The following FRMD4B variants were observed in gnomAD, a reference collection of about 807,000 sequenced individuals.
FRMD4B encodes FERM domain containing 4B.
FRMD4B carries 74 observed loss-of-function variants against 141.5 expected under a neutral mutation model. The ratio of observed to expected loss-of-function variants is 0.52; its 90% CI spans 0.43 to 0.63. FRMD4B has a LOEUF of 0.63. FRMD4B is among the 30% of genes least tolerant of loss of function. FRMD4B has a pLI of 0.00. For missense variants in FRMD4B, 1,366 were observed against 1,253.4 expected (o/e 1.09, Z -1.36); for synonymous variants, 506 against 467.9 (o/e 1.08, Z -1.05).
In FRMD4B at chr3:69,187,777, G is replaced by T. The variant is rs538457775; in HGVS notation, c.1912C>A (p.Gln638Lys). Residue 638 changes from glutamine (Q) to lysine (K), a missense_variant, in exon 19 of 23, where the codon CAG (glutamine) becomes AAG (lysine). Gln to Lys is a moderately conservative substitution (Grantham distance 53). Coordinates refer to ENST00000398540, the MANE Select transcript of FRMD4B (RefSeq NM_015123.3). ...SINEQFVDTRQSREMLSTHSS... is the reference protein window; with the variant it reads ...SINEQFVDTRKSREMLSTHSS... ...GATGATATGACCTCTCACCTGGACT[G>T]CCTGGTATCCACAAACTGTTCATTG... 1.2e-6 allele frequency: 2 copies of T among 1,611,762 alleles called. No individual in the cohort carries two copies. Among genetic ancestry groups the T allele is most frequent in the South Asian group, 2.2e-5 (2 of 90,698 alleles).
At chr3:69,515,187 G>A (rs1700731934) in intron 1 of FRMD4B, among the ~76,000 whole-genome samples, 1 of 152,152 alleles carries the variant, frequency 6.6e-6, no homozygotes, top group Non-Finnish European at 1.5e-5. Flanking sequence ...CTTTTAAAGA[G>A]ATAGATCTCT....
intron 5 of FRMD4B, among the ~76,000 whole-genome samples, chr3:69,257,967 C>T (rs1211218371): frequency 6.6e-6 from 1 of 152,214 alleles, no homozygotes; most frequent in Admixed American, 6.5e-5. Context: ...ACTGGGACTA[C>T]AGGTGCGTGC....
At chr3:69,441,960 T>A (rs191059591) in intron 1 of FRMD4B, among the ~76,000 whole-genome samples, 98 of 152,348 alleles carry the variant, frequency 6.4e-4, no homozygotes, top group Non-Finnish European at 1.1e-3. Flanking sequence ...CACTGTCTAT[T>A]CGGCCCATTT....
At chr3:69,276,405 T>C (rs2093618127) in intron 5 of FRMD4B, among the ~76,000 whole-genome samples, 1 of 152,104 alleles carries the variant, frequency 6.6e-6, no homozygotes, top group African/African-American at 2.4e-5. Flanking sequence ...CCTGAGTAGC[T>C]GGGACTACAG....
At chr3:69,184,662 A>T (rs2092745837) in intron 19 of FRMD4B, among the ~76,000 whole-genome samples, 1 of 152,212 alleles carries the variant, frequency 6.6e-6, no homozygotes, top group Non-Finnish European at 1.5e-5. Flanking sequence ...TAAGACAATG[A>T]TTCCCAGCTA....
chr3:69,318,871 C>G (rs527532834), intron 1 of FRMD4B, among the ~76,000 whole-genome samples: 33 of 152,242 alleles, frequency 2.2e-4, no homozygotes, highest in Non-Finnish European at 3.2e-4. Context: ...TTGGCAAGGG[C>G]AGGGCAGAGT....
chr3:69,361,028 C>G (rs191318967), intron 1 of FRMD4B, among the ~76,000 whole-genome samples: 2 of 152,250 alleles, frequency 1.3e-5, no homozygotes, highest in Admixed American at 1.3e-4. Context: ...ATGTTTGACT[C>G]TTTATCTTTA....
At chr3:69,470,559 G>A (rs1249491297) in intron 1 of FRMD4B, among the ~76,000 whole-genome samples, 2 of 152,182 alleles carry the variant, frequency 1.3e-5, no homozygotes, top group East Asian at 3.9e-4. Flanking sequence ...GTGGTCTTCA[G>A]AGAAAGTTCA....
At chr3:69,418,434 A>C (rs942378576) in intron 2 of FRMD4B, among the ~76,000 whole-genome samples, 1 of 152,126 alleles carries the variant, frequency 6.6e-6, no homozygotes, top group Non-Finnish European at 1.5e-5. Flanking sequence ...TCTAGCCAAG[A>C]GAAGATGGCA....
intron 22 of FRMD4B, among the ~76,000 whole-genome samples, chr3:69,173,519 T>C (rs2107561383): frequency 6.6e-6 from 1 of 152,350 alleles, no homozygotes; most frequent in East Asian, 1.9e-4. Context: ...TTCTCTCTTA[T>C]TTTAAAAATC....
Position 69,187,863 on chromosome 3 carries a change from G to A in FRMD4B, c.1826C>T (p.Pro609Leu). ...GQRSSSVPHSPRILPPKSLGI... is the reference protein window; with the variant it reads ...GQRSSSVPHSLRILPPKSLGI... ...AAGAGACTTGGGGGGAAGAATTCTT[G>A]GAGAATGAGGTACTGAACTTGATCG... The change falls in exon 19 of 23, where the codon CCA becomes CTA. Residue 609 changes from proline to leucine, a missense_variant. Physicochemically the swap from Pro to Leu is moderately conservative, Grantham distance 98. Transcript: ENST00000398540. The A allele has an allele frequency of 6.2e-7, 1 of 1,609,800 alleles. No individual in the cohort carries two copies. The highest frequency in any genetic ancestry group is 8.5e-7 in the Non-Finnish European group (1 of 1,177,330).
At chr3:69,345,089 A>G (rs1454836867) in intron 1 of FRMD4B, among the ~76,000 whole-genome samples, 2 of 152,062 alleles carry the variant, frequency 1.3e-5, no homozygotes, top group Non-Finnish European at 2.9e-5. Context: ...TTTCCTAGCA[A>G]AGTGAAGCTG....
At chr3:69,363,847 C>G (rs1277124109) in intron 1 of FRMD4B, among the ~76,000 whole-genome samples, 3 of 152,188 alleles carry the variant, frequency 2.0e-5, no homozygotes, top group African/African-American at 7.2e-5. Context: ...ACTGAGGCAA[C>G]AGGTGTACTG....
chr3:69,460,326 G>A (rs1351480700), intron 1 of FRMD4B, among the ~76,000 whole-genome samples: 2 of 152,194 alleles, frequency 1.3e-5, no homozygotes, highest in Admixed American at 6.5e-5. Flanking sequence ...CAAGTGAAGA[G>A]GCTGATTTTT....
chr3:69,309,945 T>C (rs1378375708), intron 3 of FRMD4B, among the ~76,000 whole-genome samples: 1 of 152,214 alleles, frequency 6.6e-6, no homozygotes. Context: ...TGTGTGCGTG[T>C]TCAATCACTG....
chr3:69,385,742 G>A, intron 1 of FRMD4B, 86 bp downstream of exon 1: 4 of 1,165,812 alleles, frequency 3.4e-6, no homozygotes, highest in Non-Finnish European at 3.5e-6. Context: ...AGAGCTGGGG[G>A]GAATAAAATC....
chr3:69,467,327 T>G (rs888007599), intron 1 of FRMD4B, among the ~76,000 whole-genome samples: 1 of 152,174 alleles, frequency 6.6e-6, no homozygotes, highest in Non-Finnish European at 1.5e-5. Context: ...GAGCGGTAAC[T>G]GGCATGATTT....
At chr3:69,353,436 A>G (rs984416160) in intron 1 of FRMD4B, 4 of 256,792 alleles carry the variant, frequency 1.6e-5, no homozygotes, top group African/African-American at 2.3e-5. Context: ...CACCCCCAGT[A>G]CAATATTAAA....
At chr3:69,530,956 A>G (rs1276087094) in intron 1 of FRMD4B, among the ~76,000 whole-genome samples, 1 of 152,214 alleles carries the variant, frequency 6.6e-6, no homozygotes, top group African/African-American at 2.4e-5. Flanking sequence ...GCAACCGGAC[A>G]GACAGAAATA....
Sources: allele counts gnomAD v4.1 joint callset (sites outside exome capture counted in the v4.1 genomes callset), GRCh38; gene constraint gnomAD v4.1.1; transcripts MANE v1.5; gene names NCBI Gene and HGNC (gene_info 2026-07-23, HGNC 2026-07-21).